The following OCA2 variants were observed in gnomAD, a reference collection of about 807,000 sequenced individuals.
The protein encoded by OCA2 is P protein.
OCA2 carries 77 observed loss-of-function variants against 100.2 expected under a neutral mutation model. The observed-to-expected ratio is 0.77, with a 90% CI of 0.64 to 0.93. The LOEUF is 0.93. OCA2 is among the 40% of genes least tolerant of loss of function. The pLI is 0.00. For synonymous variants in OCA2, 432 were observed against 439.2 expected (o/e 0.98, Z 0.21); for missense variants, 1,062 against 1,089.1 (o/e 0.98, Z 0.35).
intron 23 of OCA2, among the ~76,000 whole-genome samples, chr15:27,769,374 C>T (rs1160655520): frequency 3.9e-5 from 6 of 152,158 alleles, no homozygotes; most frequent in African/African-American, 1.2e-4. Context: ...CCAAGGCTTC[C>T]GGATTGCTGG....
chr15:27,739,693 G>T, the OCA2 span, among the ~76,000 whole-genome samples: 2 of 151,940 alleles, frequency 1.3e-5, no homozygotes, highest in African/African-American at 4.8e-5. Context: ...TGATCCACCC[G>T]CCTTGGCCTC....
chr15:27,737,936 C>G, the OCA2 span, among the ~76,000 whole-genome samples: 1 of 152,174 alleles, frequency 6.6e-6, no homozygotes, highest in African/African-American at 2.4e-5. Context: ...CATCAGTCAT[C>G]AGAAAAATGC....
chr15:27,828,263 G>A (rs907498792), intron 23 of OCA2, among the ~76,000 whole-genome samples: 9 of 152,046 alleles, frequency 5.9e-5, no homozygotes, highest in South Asian at 2.1e-4. Flanking sequence ...TGTCCCTGTC[G>A]GGGACTTATA....
At chr15:27,878,125 GTCACT>G (rs1233920023) in intron 19 of OCA2, among the ~76,000 whole-genome samples, 7 of 151,570 alleles carry the variant, frequency 4.6e-5, no homozygotes, top group African/African-American at 1.7e-4. Context: ...AATGATATAG[GTCACT>G]TTACCTCTCC....
intron 2 of OCA2, among the ~76,000 whole-genome samples, chr15:28,046,476 G>T (rs2043351335): frequency 6.6e-6 from 1 of 152,118 alleles, no homozygotes; most frequent in Non-Finnish European, 1.5e-5. Flanking sequence ...AGCCACAAGG[G>T]TCTTTCTGGG....
intron 23 of OCA2, among the ~76,000 whole-genome samples, chr15:27,805,852 C>T (rs2033821501): frequency 6.6e-6 from 1 of 152,170 alleles, no homozygotes; most frequent in African/African-American, 2.4e-5. Context: ...GACCCTCACA[C>T]GCCCGGGGCG....
intron 9 of OCA2, among the ~76,000 whole-genome samples, chr15:27,991,415 T>C (rs531122353): frequency 6.6e-6 from 1 of 152,048 alleles, no homozygotes; most frequent in African/African-American, 2.4e-5. Context: ...ATAAAGAAAA[T>C]GCGGCACAGC....
At chr15:27,970,397 A>G (rs1296415070) in intron 14 of OCA2, among the ~76,000 whole-genome samples, 3 of 152,188 alleles carry the variant, frequency 2.0e-5, no homozygotes, top group South Asian at 4.2e-4. Context: ...GGAGTGGGGG[A>G]AAAGCAGTAG....
intron 1 of OCA2, among the ~76,000 whole-genome samples, chr15:28,096,068 G>C (rs1293793586): frequency 2.0e-5 from 3 of 152,032 alleles, no homozygotes; most frequent in Non-Finnish European, 4.4e-5. Context: ...CCTTCTCTCC[G>C]GGGGCCTGGC....
intron 19 of OCA2, among the ~76,000 whole-genome samples, chr15:27,873,341 A>G (rs556573093): frequency 1.4e-3 from 217 of 152,386 alleles, no homozygotes; most frequent in African/African-American, 4.9e-3. Context: ...CTGGGGGAGT[A>G]AAATCACCCC....
At chr15:28,097,636 C>G (rs951373023) in intron 1 of OCA2, among the ~76,000 whole-genome samples, 10 of 152,182 alleles carry the variant, frequency 6.6e-5, no homozygotes, top group African/African-American at 2.4e-4. Flanking sequence ...GCCCAACTCT[C>G]TTCTGCAGCT....
intron 21 of OCA2, among the ~76,000 whole-genome samples, chr15:27,863,391 T>G (rs2036207988): frequency 6.6e-6 from 1 of 152,038 alleles, no homozygotes; most frequent in Non-Finnish European, 1.5e-5. Flanking sequence ...GAGAGCTATT[T>G]ATAGCTGGCA....
chr15:27,847,608 C>G (rs2035586157), intron 22 of OCA2, among the ~76,000 whole-genome samples: 1 of 152,152 alleles, frequency 6.6e-6, no homozygotes, highest in South Asian at 2.1e-4. Context: ...CGGAGAGAGG[C>G]CTGGAGGTTA....
chr15:27,897,369 C>T (rs1292392172), intron 19 of OCA2, among the ~76,000 whole-genome samples: 1 of 151,976 alleles, frequency 6.6e-6, no homozygotes, highest in African/African-American at 2.4e-5. Flanking sequence ...GGGTCGGGCC[C>T]AGCACCTCCC....
At chr15:27,932,951 C>A (rs2039308439) in intron 18 of OCA2, among the ~76,000 whole-genome samples, 1 of 148,674 alleles carries the variant, frequency 6.7e-6, no homozygotes, top group South Asian at 2.1e-4. Context: ...GTTCAGTGTT[C>A]AACCAAAAAT....
At chr15:28,063,870 A>C in intron 2 of OCA2, among the ~76,000 whole-genome samples, 1 of 152,164 alleles carries the variant, frequency 6.6e-6, no homozygotes, top group East Asian at 1.9e-4. Context: ...GTTTTCCTAT[A>C]CAGATTTCTT....
rs754867134 is a variant in OCA2 at position 27,966,813 on chromosome 15, A to C, written c.1513T>G (p.Phe505Val). The change falls in exon 15 of 24, where the codon TTT becomes GTT. Residue 505 changes from phenylalanine (F) to valine (V), a missense_variant. Phe to Val is a conservative substitution (Grantham distance 50). Transcript: ENST00000354638. ...NQELRKMGLD[F>V]AGFTAHMFIG... ...AACATGTGTGCAGTGAATCCGGCAA[A>C]GTCCAGGCCCTGGAAATAAACAAGG... is the stretch of plus-strand genomic sequence containing the variant. 1.5e-5 allele frequency: 24 copies of C among 1,611,452 alleles called. No individual in the cohort carries two copies. The East Asian group carries it at 5.3e-4, about 36-fold the overall frequency.
intron 14 of OCA2, among the ~76,000 whole-genome samples, chr15:27,967,594 G>C (rs978163755): frequency 2.0e-5 from 3 of 152,252 alleles, no homozygotes; most frequent in Admixed American, 6.5e-5. Context: ...CGGTTTGAAA[G>C]TGTCCTCGTG....
At chr15:27,803,046 G>A (rs12914516) in intron 23 of OCA2, among the ~76,000 whole-genome samples, 83,746 of 151,962 alleles carry the variant, frequency 0.55, 23,500 homozygotes, top group South Asian at 0.76. Context: ...GCATATAAAG[G>A]ACTCTGAAAA....
Sources: gnomAD v4.1 joint callset for allele counts (sites outside exome capture counted in the v4.1 genomes callset) on GRCh38, gnomAD v4.1.1 for gene constraint, MANE v1.5 for transcripts, NCBI Gene and HGNC (gene_info 2026-07-23, HGNC 2026-07-21) for gene names.